Variants in THSD7A observed in about 807,000 individuals in gnomAD.
THSD7A encodes the protein thrombospondin type 1 domain containing 7A, also known as thrombospondin type-1 domain-containing protein 7A.
In THSD7A, 96 loss-of-function variants were observed where a neutral mutation model predicts 231.3. That is an observed-to-expected ratio of 0.41 (90% CI 0.35 to 0.49). The LOEUF is 0.49. Among genes scored for constraint, THSD7A ranks in the 20% least tolerant of loss-of-function variants. The pLI is 0.05. For missense variants in THSD7A, 2,290 were observed against 2,070.2 expected, an observed-to-expected ratio of 1.11 and a Z score of -2.06; for synonymous variants, 940 against 743.3, an observed-to-expected ratio of 1.26 and a Z score of -4.30.
chr7:11,543,110 C>T lies in THSD7A; in HGVS notation c.1461G>A (p.Lys487=). 5 of 1,609,356 alleles carry T rather than the reference C, an allele frequency of 3.1e-6. No individual in the cohort carries two copies. The highest frequency in any genetic ancestry group is 4.2e-6 in the Non-Finnish European group (5 of 1,177,870). The change falls in exon 5 of 28, where the codon AAG becomes AAA. Residue 487 remains lysine (K), a synonymous_variant. Coordinates refer to ENST00000423059, the MANE Select transcript of THSD7A (RefSeq NM_015204.3). Reference sequence around the variant, plus strand: ...CAGTGCATAATTTTAAGTCCATTGGCTTTGAGGCTAGAGAAAAATACAGAC... The same window carrying T: ...CAGTGCATAATTTTAAGTCCATTGGTTTTGAGGCTAGAGAAAAATACAGAC... ...LSTHKNKEAS[K]PMDLKLCTGP... is the part of the protein sequence containing the mutation.
chr7:11,554,306 T>C (rs1049087523), intron 4 of THSD7A, among the ~76,000 whole-genome samples: 2 of 152,002 alleles, frequency 1.3e-5, no homozygotes, highest in Admixed American at 6.6e-5. Flanking sequence ...TACAGAGAAG[T>C]ACCATGCTTA....
At position 11,590,761 on chromosome 7, in the gene THSD7A, C is replaced by T. The variant is rs1014809708; in HGVS notation, c.1272-120G>A. The T allele has an allele frequency of 1.3e-5, 15 of 1,149,224 alleles. No homozygotes were observed. In the East Asian group the frequency reaches 1.8e-4, roughly 14 times the overall value. The allele number at this position is 1,149,224 out of a possible 1,614,324, so 71.2% of individuals were successfully genotyped here. The stretch of plus-strand genomic sequence containing the variant: ...AAAATCATTTTCCTAGAGAATCCAT[C>T]GTAGACTACATCTATGGTGCATATT... On this transcript the variant is annotated intron_variant, in intron 3 of 27. Coordinates refer to ENST00000423059, the MANE Select transcript of THSD7A (RefSeq NM_015204.3). The surrounding 1 kb of genome is among the most constrained non-coding windows in gnomAD (Gnocchi z 4.4).
intron 1 of THSD7A, among the ~76,000 whole-genome samples, chr7:11,718,610 AAAT>A (rs1781227272): frequency 6.6e-6 from 1 of 151,692 alleles, no homozygotes; most frequent in Non-Finnish European, 1.5e-5. Flanking sequence ...ATCTCTGACT[AAAT>A]TGCTTTAATC....
rs1782631902 is a variant in THSD7A at position 11,384,060 on chromosome 7, T to C, written c.4412-1444A>G. 3 of 152,004 alleles carry C rather than the reference T, an allele frequency of 2.0e-5. No individual in the cohort carries two copies. The South Asian group carries it at 6.2e-4, about 31-fold the overall frequency. 9.4% of individuals were successfully genotyped at this position (152,004 alleles called of 1,614,324 possible). A position where few individuals can be genotyped will look rare whatever the true frequency, so the allele number is the denominator to read the frequency against. ...GACCACTCTCGTCATTAAAGTTATTTTCCATTTGTTATGGTGAACTTATTT... is the reference window on the plus strand; with the variant it reads ...GACCACTCTCGTCATTAAAGTTATTCTCCATTTGTTATGGTGAACTTATTT... On this transcript the variant is annotated intron_variant, in intron 23 of 27. Transcript: ENST00000423059.
intron 3 of THSD7A, among the ~76,000 whole-genome samples, chr7:11,592,185 T>C (rs1274921561): frequency 6.6e-6 from 1 of 152,178 alleles, no homozygotes; most frequent in Non-Finnish European, 1.5e-5. Context: ...TGTGGAGGTT[T>C]CAGTCACTTT....
intron 1 of THSD7A, among the ~76,000 whole-genome samples, chr7:11,671,718 G>A (rs536606378): frequency 1.3e-5 from 2 of 152,120 alleles, no homozygotes; most frequent in South Asian, 4.2e-4. Flanking sequence ...TGTATTTCTG[G>A]TTATCATGAA....
intron 4 of THSD7A, among the ~76,000 whole-genome samples, chr7:11,589,473 C>T (rs1404093031): frequency 2.0e-5 from 3 of 152,280 alleles, no homozygotes; most frequent in East Asian, 3.9e-4. Flanking sequence ...ATAAAGGGCT[C>T]TATTTCTACT....
At chr7:11,647,730 A>G (rs1191832668) in intron 1 of THSD7A, among the ~76,000 whole-genome samples, 2 of 152,106 alleles carry the variant, frequency 1.3e-5, no homozygotes, top group African/African-American at 2.4e-5. Context: ...GTAAGTGTCA[A>G]TTTTGCTAAG....
intron 1 of THSD7A, among the ~76,000 whole-genome samples, chr7:11,787,350 T>G (rs1356837465): frequency 6.6e-6 from 1 of 152,030 alleles, no homozygotes; most frequent in East Asian, 1.9e-4. Flanking sequence ...ACTTTGGATA[T>G]AGAATTTTTT....
intron 14 of THSD7A, 60 bp downstream of exon 14, chr7:11,428,887 A>G: frequency 6.6e-7 from 1 of 1,512,844 alleles, no homozygotes; most frequent in African/African-American, 1.8e-5. Context: ...CATTTTGGAG[A>G]AAAAATCAGA....
intron 1 of THSD7A, among the ~76,000 whole-genome samples, chr7:11,775,910 CTG>C (rs571571682): frequency 5.2e-4 from 79 of 152,250 alleles, no homozygotes; most frequent in Non-Finnish European, 1.1e-3. Flanking sequence ...TAATTACTAA[CTG>C]TGAACATTTA....
chr7:11,373,884 T>C lies in THSD7A; in HGVS notation c.*1910A>G, dbSNP rs1782160153. 6.6e-6 allele frequency: 1 copy of C among 152,114 alleles called. No individual in the cohort carries two copies. 9.4% of individuals were successfully genotyped at this position (152,114 alleles called of 1,614,324 possible). A position where few individuals can be genotyped will look rare whatever the true frequency, so the allele number is the denominator to read the frequency against. ...TAGTGTCCTCTCTCACAAAGGTTGT[T>C]GCAATAATGTTGCCTGAAAATGGTA... On this transcript the variant is annotated 3_prime_UTR_variant, in exon 28 of 28. Coordinates refer to ENST00000423059, the MANE Select transcript of THSD7A (RefSeq NM_015204.3).
intron 6 of THSD7A, among the ~76,000 whole-genome samples, chr7:11,483,768 C>T (rs1051914357): frequency 9.2e-5 from 14 of 151,988 alleles, no homozygotes; most frequent in African/African-American, 3.1e-4. Context: ...CTGTGGAAAG[C>T]AAGAAAAGTT....
chr7:11,805,312 T>C (rs1416656701), intron 1 of THSD7A, among the ~76,000 whole-genome samples: 1 of 152,194 alleles, frequency 6.6e-6, no homozygotes, highest in Non-Finnish European at 1.5e-5. Context: ...AAAATACTAA[T>C]AGAAACATTA....
chr7:11,404,742 A>G (rs1783525805), intron 22 of THSD7A, among the ~76,000 whole-genome samples: 1 of 152,014 alleles, frequency 6.6e-6, no homozygotes, highest in African/African-American at 2.4e-5. Context: ...CTTTTCTTTT[A>G]CTTTATTTTT....
At chr7:11,450,376 C>T (rs1010486748) in intron 11 of THSD7A, among the ~76,000 whole-genome samples, 3 of 151,946 alleles carry the variant, frequency 2.0e-5, no homozygotes, top group Admixed American at 2.0e-4. Flanking sequence ...GCACTTTACA[C>T]CTCTTATCTG....
chr7:11,689,434 T>C (rs1780163558), intron 1 of THSD7A, among the ~76,000 whole-genome samples: 1 of 151,842 alleles, frequency 6.6e-6, no homozygotes, highest in South Asian at 2.1e-4. Flanking sequence ...ACCTTGGCCT[T>C]GTCATATTCT....
chr7:11,820,471 G>T, intron 1 of THSD7A: 1 of 1,150,054 alleles, frequency 8.7e-7, no homozygotes, highest in South Asian at 1.7e-5. Context: ...CTGACCCGGA[G>T]GTCATCATGC....
intron 23 of THSD7A, chr7:11,385,065 A>G (rs1248138180): frequency 3.3e-5 from 5 of 149,720 alleles, no homozygotes. Context: ...TTTTAGTTTT[A>G]TTGTCAATGC....
Sources: gnomAD v4.1 joint callset for allele counts (sites outside exome capture counted in the v4.1 genomes callset) on GRCh38, gnomAD v4.1.1 for gene constraint, Gnocchi (gnomAD v3.1) non-coding constraint, MANE v1.5 for transcripts, NCBI Gene and HGNC (gene_info 2026-07-23, HGNC 2026-07-21) for gene names.